The following UBE2H variants were observed in gnomAD, a reference collection of about 807,000 sequenced individuals.
UBE2H encodes ubiquitin-conjugating enzyme E2 H.
A neutral mutation model predicts 29.0 loss-of-function variants in UBE2H; 3 were observed. That is an observed-to-expected ratio of 0.10 (90% confidence interval 0.05 to 0.27). The LOEUF (loss-of-function observed/expected upper bound fraction) is 0.27. Ranked by LOEUF, UBE2H falls within the 10% of genes least tolerant of loss-of-function variation. UBE2H has a pLI of 1.00. For missense variants in UBE2H, 68 were observed against 228.2 expected, an observed-to-expected ratio of 0.30 and a Z score of 4.52; for synonymous variants, 69 against 82.9, an observed-to-expected ratio of 0.83 and a Z score of 0.91.
chr7:129,846,844 T>C (rs776362702), intron 5 of UBE2H, among the ~76,000 whole-genome samples: 5 of 152,078 alleles, frequency 3.3e-5, no homozygotes, highest in Non-Finnish European at 7.4e-5. Context: ...CCTTTCTCCT[T>C]CTACTACCTG....
rs1167914340 is a variant in UBE2H at position 129,831,353 on chromosome 7, A to G, written c.*3584T>C. The G allele has an allele frequency of 2.6e-5, 4 of 152,232 alleles. No individual in the cohort carries two copies. The highest frequency in any genetic ancestry group is 9.6e-5 in the African/African-American group (4 of 41,468). 9.4% of individuals were successfully genotyped at this position (152,232 alleles called of 1,614,324 possible). ...CTGAAACAAGGAAGGGCCACATGCC[A>G]TTTAAAATCAAACACTAGTTCCCAG... On this transcript the variant is annotated 3_prime_UTR_variant, in exon 7 of 7. Transcript: ENST00000355621.
At chr7:129,918,570 T>C (rs2693742) in intron 1 of UBE2H, among the ~76,000 whole-genome samples, 143,926 of 152,124 alleles carry the variant, frequency 0.95, 68,488 homozygotes, top group East Asian at 1. Flanking sequence ...GCCATGTTGG[T>C]CAGGCTCAAG....
At chr7:129,849,712 G>A (rs752976989) in intron 5 of UBE2H, among the ~76,000 whole-genome samples, 7 of 152,176 alleles carry the variant, frequency 4.6e-5, no homozygotes, top group Non-Finnish European at 8.8e-5. Context: ...GCAGTGCTGT[G>A]GCTCAGGCCC....
intron 1 of UBE2H, among the ~76,000 whole-genome samples, chr7:129,944,009 A>G (rs888495192): frequency 2.0e-5 from 3 of 152,246 alleles, no homozygotes; most frequent in Non-Finnish European, 4.4e-5. Flanking sequence ...AAGGTTAATA[A>G]TAAAAAATAA....
At chr7:129,905,551 T>C (rs1038111532) in intron 1 of UBE2H, among the ~76,000 whole-genome samples, 1 of 152,072 alleles carries the variant, frequency 6.6e-6, no homozygotes, top group African/African-American at 2.4e-5. Flanking sequence ...GTACACAAAT[T>C]AGATGCTTGG....
intron 1 of UBE2H, among the ~76,000 whole-genome samples, chr7:129,897,983 A>T (rs1389390196): frequency 6.6e-6 from 1 of 152,184 alleles, no homozygotes; most frequent in Non-Finnish European, 1.5e-5. Context: ...GAAGTGGGAT[A>T]AAAAACTTTC....
intron 1 of UBE2H, among the ~76,000 whole-genome samples, chr7:129,905,271 T>G (rs1806793071): frequency 6.6e-6 from 1 of 151,744 alleles, no homozygotes; most frequent in Non-Finnish European, 1.5e-5. Context: ...TTCATAGACA[T>G]GAGGTTTCTG....
At chr7:129,849,200 C>CA (rs1238055163) in intron 5 of UBE2H, among the ~76,000 whole-genome samples, 5 of 152,084 alleles carry the variant, frequency 3.3e-5, no homozygotes, top group African/African-American at 2.4e-5. Flanking sequence ...GACAGCCCCT[C>CA]AAGGAAAACT....
Position 129,952,716 on chromosome 7 carries a change from G to T in UBE2H, c.-161C>A. 1.3e-6 allele frequency: 1 copy of T among 763,352 alleles called. No individual in the cohort carries two copies. Among genetic ancestry groups the T allele is most frequent in the South Asian group, 2.6e-5 (1 of 38,310 alleles). The allele number at this position is 763,352 out of a possible 1,614,324, so 47.3% of individuals were successfully genotyped here. A position where few individuals can be genotyped will look rare whatever the true frequency, so the allele number is the denominator to read the frequency against. ...CGCCGCCGCCGCCCCCCGCACGGGG[G>T]AACACCGGGCACTGTCCGGCCGGGT... On this transcript the variant is annotated 5_prime_UTR_variant, in exon 1 of 7. Coordinates refer to ENST00000355621, the MANE Select transcript of UBE2H (RefSeq NM_003344.4).
chr7:129,861,710 G>A (rs994964146), intron 3 of UBE2H, among the ~76,000 whole-genome samples: 3 of 152,138 alleles, frequency 2.0e-5, no homozygotes, highest in Admixed American at 2.0e-4. Context: ...TGGCCAACAT[G>A]GTGAAACCCC....
chr7:129,921,897 A>G (rs1030055519), intron 1 of UBE2H, among the ~76,000 whole-genome samples: 1 of 152,112 alleles, frequency 6.6e-6, no homozygotes, highest in Non-Finnish European at 1.5e-5. Flanking sequence ...TATTTCCTCT[A>G]TGGATATTAC....
chr7:129,909,087 A>G lies in UBE2H; in HGVS notation c.54-28116T>C, dbSNP rs558737648. The stretch of plus-strand genomic sequence containing the variant: ...TTTACTAAAAAAAGTAAGTGCATTC[A>G]GAGTTTTAATTGAGACACTAAAACC... On this transcript the variant is annotated intron_variant, in intron 1 of 6. Coordinates refer to ENST00000355621, the MANE Select transcript of UBE2H (RefSeq NM_003344.4). Among the ~76,000 whole-genome samples the G allele has an allele frequency of 3.9e-5, 6 of 152,362 alleles. No individual in the cohort carries two copies. In the South Asian group the frequency reaches 1.0e-3, roughly 26 times the overall value.
chr7:129,857,036 T>A (rs1805718085), intron 5 of UBE2H: 1 of 153,222 alleles, frequency 6.5e-6, no homozygotes, highest in African/African-American at 2.4e-5. Context: ...GGTGTCAATT[T>A]CAGCACTGAA....
At chr7:129,920,315 C>T (rs1344922041) in intron 1 of UBE2H, among the ~76,000 whole-genome samples, 1 of 151,876 alleles carries the variant, frequency 6.6e-6, no homozygotes, top group Non-Finnish European at 1.5e-5. Flanking sequence ...ACAAAAAAGG[C>T]TTGAAAAACA....
intron 1 of UBE2H, among the ~76,000 whole-genome samples, chr7:129,939,934 G>T (rs1584799359): frequency 6.6e-6 from 1 of 151,690 alleles, no homozygotes; most frequent in Non-Finnish European, 1.5e-5. Flanking sequence ...ACTCCAGACT[G>T]GGCGACAACA....
chr7:129,890,507 G>A (rs1269983158), intron 1 of UBE2H, among the ~76,000 whole-genome samples: 2 of 151,910 alleles, frequency 1.3e-5, no homozygotes, highest in Non-Finnish European at 2.9e-5. Flanking sequence ...AGCCTCCCAA[G>A]CAGCCGGGAT....
At chr7:129,884,049 T>C (rs1306301028) in intron 1 of UBE2H, among the ~76,000 whole-genome samples, 1 of 151,022 alleles carries the variant, frequency 6.6e-6, no homozygotes, top group Non-Finnish European at 1.5e-5. Context: ...TGAGCCAAAA[T>C]TGCACCACTG....
At chr7:129,907,066 C>T (rs1490410793) in intron 1 of UBE2H, among the ~76,000 whole-genome samples, 12 of 151,998 alleles carry the variant, frequency 7.9e-5, no homozygotes, top group Admixed American at 7.9e-4. Flanking sequence ...ACTGAATTTG[C>T]GACTCACTGA....
rs541051577 is a variant in UBE2H at position 129,857,688 on chromosome 7, T to C, written c.246-125A>G. ...AGATCTGTGAAAAAAAGAATCCCAA[T>C]TGGGGAAAAGTATGATGAGGAACAG... On this transcript the variant is annotated intron_variant, in intron 4 of 6. Coordinates refer to ENST00000355621, the MANE Select transcript of UBE2H (RefSeq NM_003344.4). 9.3e-5 allele frequency: 96 copies of C among 1,036,118 alleles called. No individual in the cohort carries two copies. In the East Asian group the frequency reaches 2.2e-3, roughly 24 times the overall value. The allele number at this position is 1,036,118 out of a possible 1,614,324, so 64.2% of individuals were successfully genotyped here. A position where few individuals can be genotyped will look rare whatever the true frequency, so the allele number is the denominator to read the frequency against.
Sources: allele counts gnomAD v4.1 joint callset (sites outside exome capture counted in the v4.1 genomes callset), GRCh38; gene constraint gnomAD v4.1.1; transcripts MANE v1.5; gene names NCBI Gene and HGNC (gene_info 2026-07-23, HGNC 2026-07-21).